The following TMEM132C variants were observed in gnomAD, a reference collection of about 807,000 sequenced individuals.
TMEM132C encodes transmembrane protein 132C, also known as protein phosphatase 1, regulatory subunit 152.
Under a neutral mutation model 61.4 loss-of-function variants are expected in TMEM132C, and 29 were observed. The observed-to-expected ratio is 0.47, with a 90% CI of 0.35 to 0.64. The LOEUF (loss-of-function observed/expected upper bound fraction) is 0.64. Among genes scored for constraint, TMEM132C ranks in the 30% least tolerant of loss-of-function variants. The probability of loss-of-function intolerance (pLI) is 0.00; values close to 1 mark genes in which losing one functional copy is unlikely to be tolerated. For synonymous variants in TMEM132C, 656 were observed against 633.1 expected (o/e 1.04, Z -0.54); for missense variants, 1,408 against 1,476.9 (o/e 0.95, Z 0.76).
chr12:128,511,953 C>T (rs1478599511), intron 2 of TMEM132C, among the ~76,000 whole-genome samples: 1 of 152,188 alleles, frequency 6.6e-6, no homozygotes, highest in East Asian at 1.9e-4. Flanking sequence ...GTTGTATCTG[C>T]CAAGACCACC....
chr12:128,650,668 G>A (rs1036375358), intron 4 of TMEM132C, among the ~76,000 whole-genome samples: 6 of 152,160 alleles, frequency 3.9e-5, no homozygotes, highest in Non-Finnish European at 8.8e-5. Flanking sequence ...GTTACAGGCT[G>A]CAGTGAGCAG....
At chr12:128,437,875 C>T (rs762855098) in intron 2 of TMEM132C, 69 of 152,278 alleles carry the variant, frequency 4.5e-4, no homozygotes, top group Admixed American at 1.2e-3. Context: ...TGGTCAGAAG[C>T]TTAGTGTACT....
intron 1 of TMEM132C, among the ~76,000 whole-genome samples, chr12:128,309,725 T>C (rs2135925825): frequency 6.6e-6 from 1 of 150,790 alleles, no homozygotes; most frequent in South Asian, 2.1e-4. Flanking sequence ...TTCCTTTTTT[T>C]CTTTTTTTTT....
chr12:128,365,732 C>T (rs747498628), intron 1 of TMEM132C, among the ~76,000 whole-genome samples: 1 of 152,172 alleles, frequency 6.6e-6, no homozygotes, highest in Non-Finnish European at 1.5e-5. Context: ...CCTCTCCCTG[C>T]CCCCACAGTT....
chr12:128,608,396 T>A (rs1876500740), intron 3 of TMEM132C, among the ~76,000 whole-genome samples: 2 of 152,272 alleles, frequency 1.3e-5, no homozygotes, highest in South Asian at 2.1e-4. Context: ...GAAAGCAAGA[T>A]CTCTGAGATG....
chr12:128,391,416 G>A (rs967021332), intron 1 of TMEM132C, among the ~76,000 whole-genome samples: 4 of 152,126 alleles, frequency 2.6e-5, no homozygotes, highest in African/African-American at 7.2e-5. Flanking sequence ...TATGTTAAGT[G>A]GGCACATGTA....
chr12:128,338,000 G>A (rs1202568533), intron 1 of TMEM132C, among the ~76,000 whole-genome samples: 1 of 152,076 alleles, frequency 6.6e-6, no homozygotes, highest in Admixed American at 6.6e-5. Context: ...CAGGAACCAG[G>A]GAAAGAAAGC....
At position 128,414,954 on chromosome 12, in the gene TMEM132C, C is replaced by A; in HGVS notation, c.308C>A (p.Ser103Tyr). Residue 103 changes from serine to tyrosine, a missense_variant, in exon 2 of 9, where the codon TCT (serine) becomes TAT (tyrosine). Coordinates refer to ENST00000435159, the MANE Select transcript of TMEM132C (RefSeq NM_001136103.3). Reference sequence around the variant, plus strand: ...CTCAATGCCAGCTATGGACCCTTTTCTGTGGAGAAGGTTGTGCCTCTGGAC... The same window carrying A: ...CTCAATGCCAGCTATGGACCCTTTTATGTGGAGAAGGTTGTGCCTCTGGAC... ...PVLNASYGPFSVEKVVPLDLM... is the reference protein window; with the variant it reads ...PVLNASYGPFYVEKVVPLDLM... 6.4e-7 allele frequency: 1 copy of A among 1,551,826 alleles called. No individual in the cohort carries two copies.
intron 1 of TMEM132C, among the ~76,000 whole-genome samples, chr12:128,362,289 G>C (rs1160500315): frequency 6.6e-6 from 1 of 152,048 alleles, no homozygotes; most frequent in Non-Finnish European, 1.5e-5. Flanking sequence ...GGGCTGCAGG[G>C]GGACGGGTGC....
At chr12:128,548,198 C>G (rs1326828877) in intron 3 of TMEM132C, among the ~76,000 whole-genome samples, 1 of 152,194 alleles carries the variant, frequency 6.6e-6, no homozygotes, top group Non-Finnish European at 1.5e-5. Flanking sequence ...CCCCCAATCC[C>G]TAAAATTGCT....
At chr12:128,309,165 A>G (rs928495861) in intron 1 of TMEM132C, among the ~76,000 whole-genome samples, 3 of 152,152 alleles carry the variant, frequency 2.0e-5, no homozygotes, top group African/African-American at 7.2e-5. Context: ...GGGTGGATGG[A>G]AAGGAGGCAG....
chr12:128,699,502 C>A (rs527254853), intron 8 of TMEM132C, among the ~76,000 whole-genome samples: 1 of 152,182 alleles, frequency 6.6e-6, no homozygotes, highest in South Asian at 2.1e-4. Flanking sequence ...TTCCACAAGT[C>A]CACCTGCATT....
intron 1 of TMEM132C, among the ~76,000 whole-genome samples, chr12:128,316,211 T>G (rs551105211): frequency 1.3e-5 from 2 of 152,256 alleles, no homozygotes; most frequent in East Asian, 3.9e-4. Context: ...TCTATTAGAC[T>G]CTCTGTTCTA....
chr12:128,646,003 G>T (rs1265486146), intron 4 of TMEM132C, among the ~76,000 whole-genome samples: 1 of 151,662 alleles, frequency 6.6e-6, no homozygotes, highest in Non-Finnish European at 1.5e-5. Context: ...GTCCATCAGT[G>T]TTGGATGAGT....
intron 2 of TMEM132C, among the ~76,000 whole-genome samples, chr12:128,470,121 T>G (rs756379946): frequency 6.6e-6 from 1 of 152,198 alleles, no homozygotes; most frequent in Admixed American, 6.5e-5. Context: ...CTGTTCCAAG[T>G]GGACCAGCTT....
At chr12:128,495,301 A>G (rs1052969013) in intron 2 of TMEM132C, among the ~76,000 whole-genome samples, 3 of 152,136 alleles carry the variant, frequency 2.0e-5, no homozygotes, top group African/African-American at 7.2e-5. Flanking sequence ...GCTGAGAAGA[A>G]CGTATATTCT....
intron 2 of TMEM132C, among the ~76,000 whole-genome samples, chr12:128,480,748 G>A (rs1407739235): frequency 1.3e-5 from 2 of 152,168 alleles, no homozygotes; most frequent in Non-Finnish European, 2.9e-5. Flanking sequence ...GCCTCCCCCT[G>A]GGCCAGGCTG....
intron 3 of TMEM132C, among the ~76,000 whole-genome samples, chr12:128,546,013 G>A (rs970201367): frequency 1.3e-5 from 2 of 152,124 alleles, no homozygotes; most frequent in Non-Finnish European, 2.9e-5. Flanking sequence ...TTAGAACCAC[G>A]CTGTTCTTTT....
intron 4 of TMEM132C, among the ~76,000 whole-genome samples, chr12:128,647,061 C>T (rs1566001624): frequency 6.7e-6 from 1 of 149,360 alleles, no homozygotes; most frequent in African/African-American, 2.5e-5. Flanking sequence ...AGTGCATCAG[C>T]GTTGGATGTG....
Sources: gnomAD v4.1 joint callset for allele counts (sites outside exome capture counted in the v4.1 genomes callset) on GRCh38, gnomAD v4.1.1 for gene constraint, MANE v1.5 for transcripts, NCBI Gene and HGNC (gene_info 2026-07-23, HGNC 2026-07-21) for gene names.